Variants in BORCS8 observed in about 807,000 individuals in gnomAD.
The protein encoded by BORCS8 is BLOC-1-related complex subunit 8.
In BORCS8, 13 loss-of-function variants were observed where a neutral mutation model predicts 18.7. The observed-to-expected ratio is 0.70, with a 90% CI of 0.45 to 1.11. The LOEUF (loss-of-function observed/expected upper bound fraction) is 1.11, where lower values mean the gene tolerates loss of function less well. Among genes scored for constraint, BORCS8 ranks in the 50% least tolerant of loss-of-function variants. The probability of loss-of-function intolerance (pLI) is 0.00; values close to 1 mark genes in which losing one functional copy is unlikely to be tolerated. For synonymous variants in BORCS8, 68 were observed against 64.8 expected (o/e 1.05, Z -0.24); for missense variants, 165 against 165.7 (o/e 1.00, Z 0.02).
At chr19:19,186,129 G>A (rs1275682068) in intron 2 of BORCS8, 31 bp from the exon 3 acceptor site, 1 of 1,550,302 alleles carries the variant, frequency 6.5e-7, no homozygotes. Flanking sequence ...ATTTGGCAAG[G>A]GAGGCCACCC....
chr19:19,186,489 C>A (rs141524385), intron 2 of BORCS8, among the ~76,000 whole-genome samples: 84 of 152,302 alleles, frequency 5.5e-4, no homozygotes, highest in African/African-American at 1.9e-3. Flanking sequence ...GAGGTGGTTC[C>A]CCTCATCCTG....
At chr19:19,187,541 T>G (rs2060422134) in intron 1 of BORCS8, among the ~76,000 whole-genome samples, 1 of 150,806 alleles carries the variant, frequency 6.6e-6, no homozygotes, top group Non-Finnish European at 1.5e-5. Flanking sequence ...ACGAGTAAAC[T>G]TCTTTTTTTT....
At chr19:19,179,684 TAGAATGGTGACACATC>T (rs1214531887) in intron 5 of BORCS8, 1 of 152,716 alleles carries the variant, frequency 6.5e-6, no homozygotes, top group Non-Finnish European at 1.5e-5. Flanking sequence ...ATCACAGATA[TAGAATGGTGACACATC>T]AGATCTTTCC....
intron 1 of BORCS8, among the ~76,000 whole-genome samples, chr19:19,188,087 T>C (rs561632318): frequency 1.3e-5 from 2 of 151,968 alleles, no homozygotes; most frequent in Non-Finnish European, 2.9e-5. Context: ...TGGAGTGTAG[T>C]GGGGCAATCT....
At chr19:19,189,839 T>A (rs1372701924) in intron 1 of BORCS8, among the ~76,000 whole-genome samples, 1 of 151,876 alleles carries the variant, frequency 6.6e-6, no homozygotes. Flanking sequence ...ACTGCTTGGG[T>A]CTGACAAGTG....
At chr19:19,179,693 G>C (rs1280354868) in intron 5 of BORCS8, 1 of 152,724 alleles carries the variant, frequency 6.5e-6, no homozygotes, top group Non-Finnish European at 1.5e-5. Context: ...ATAGAATGGT[G>C]ACACATCAGA....
intron 3 of BORCS8, 121 bp downstream of exon 3, chr19:19,185,913 A>C: frequency 1.0e-6 from 1 of 990,160 alleles, no homozygotes; most frequent in Non-Finnish European, 1.5e-6. Flanking sequence ...GACCCCATAC[A>C]CCCACTCGGG....
chr19:19,180,960 TGAG>T (rs1176711793), intron 4 of BORCS8, among the ~76,000 whole-genome samples, 199 bp from the exon 5 acceptor site: 1 of 152,076 alleles, frequency 6.6e-6, no homozygotes, highest in Non-Finnish European at 1.5e-5. Context: ...TTTGGGAGGC[TGAG>T]GTGGGTGGAT....
intron 4 of BORCS8, among the ~76,000 whole-genome samples, 171 bp from the exon 5 acceptor site, chr19:19,180,932 C>G (rs766237476): frequency 6.6e-6 from 1 of 152,292 alleles, no homozygotes; most frequent in South Asian, 2.1e-4. Context: ...CGGTGGCTCA[C>G]GCCTGTAATC....
intron 5 of BORCS8, chr19:19,178,977 A>AG (rs960817258): frequency 3.4e-5 from 5 of 149,128 alleles, no homozygotes; most frequent in South Asian, 2.1e-4. Flanking sequence ...AAAAAAAGAG[A>AG]GAAAAAAAAA....
At chr19:19,187,690 C>T (rs1003597650) in intron 1 of BORCS8, among the ~76,000 whole-genome samples, 1 of 151,732 alleles carries the variant, frequency 6.6e-6, no homozygotes, top group African/African-American at 2.4e-5. Flanking sequence ...AGGCATGCAC[C>T]ACCACGCCCA....
At chr19:19,179,732 T>C (rs542317192) in intron 5 of BORCS8, 1 of 152,918 alleles carries the variant, frequency 6.5e-6, no homozygotes, top group East Asian at 1.9e-4. Flanking sequence ...TCTCTAAGCG[T>C]GGTCAGCCAC....
At position 19,177,202 on chromosome 19, in the gene BORCS8, C is replaced by T. The variant is rs2060297939; in HGVS notation, c.*301G>A. On this transcript the variant is annotated 3_prime_UTR_variant, in exon 6 of 6. Coordinates refer to ENST00000462790, the MANE Select transcript of BORCS8 (RefSeq NM_001145784.2). ...CATCCACCACTGGAACTAGGGGTGG[C>T]TTCTCCATGTGGCCTGAGCCTGGGG... 1 of 152,244 alleles carries T rather than the reference C, an allele frequency of 6.6e-6. No homozygotes were observed. Among genetic ancestry groups the T allele is most frequent in the African/African-American group, 2.4e-5 (1 of 41,446 alleles). The allele number at this position is 152,244 out of a possible 1,614,324, so 9.4% of individuals were successfully genotyped here.
chr19:19,191,558 C>T (rs1186240336), intron 1 of BORCS8, among the ~76,000 whole-genome samples: 2 of 149,558 alleles, frequency 1.3e-5, no homozygotes, highest in Non-Finnish European at 3.0e-5. Flanking sequence ...TCTTCCAATG[C>T]ATTACAAATA....
At chr19:19,177,897 C>T (rs117951162) in intron 5 of BORCS8, 7,389 of 151,244 alleles carry the variant, frequency 0.049, 253 homozygotes, top group Admixed American at 0.088. Context: ...GGTTGGGGGG[C>T]GGCGGGTGCG....
chr19:19,187,045 C>T (rs2060416290), intron 1 of BORCS8, 40 bp from the exon 2 acceptor site: 1 of 1,471,792 alleles, frequency 6.8e-7, no homozygotes, highest in South Asian at 1.2e-5. Context: ...TGTGGGGAGA[C>T]AAAGCGTCAG....
At chr19:19,186,541 A>T (rs755863351) in intron 2 of BORCS8, among the ~76,000 whole-genome samples, 7 of 151,536 alleles carry the variant, frequency 4.6e-5, no homozygotes, top group Non-Finnish European at 8.8e-5. Flanking sequence ...TGTGGTTTTA[A>T]TAAGGGGCCT....
chr19:19,180,390 TTC>T, intron 5 of BORCS8: 2 of 452,330 alleles, frequency 4.4e-6, no homozygotes, highest in South Asian at 5.0e-5. Context: ...GTGGGCTCCC[TTC>T]TCTGTCTTGG....
chr19:19,187,129 A>G, intron 1 of BORCS8, 124 bp from the exon 2 acceptor site: 1 of 666,034 alleles, frequency 1.5e-6, no homozygotes. Flanking sequence ...CAGCTAGGTC[A>G]CTCCTGGCCC....
Sources: gnomAD v4.1 joint callset for allele counts (sites outside exome capture counted in the v4.1 genomes callset) on GRCh38, gnomAD v4.1.1 for gene constraint, MANE v1.5 for transcripts, NCBI Gene and HGNC (gene_info 2026-07-23, HGNC 2026-07-21) for gene names.